ZNF496: variants seen among roughly 807,000 people sequenced by gnomAD.
ZNF496 encodes zinc finger protein 496, also known as NSD1 (nuclear receptor binding SET-domain containing 1)-interacting zinc finger protein 1.
Under a neutral mutation model 58.9 loss-of-function variants are expected in ZNF496, and 11 were observed. The ratio of observed to expected loss-of-function variants is 0.19; its 90% CI spans 0.12 to 0.31. ZNF496 has a LOEUF of 0.31. ZNF496 is among the 10% of genes least tolerant of loss of function. The pLI is 1.00. For synonymous variants in ZNF496, 338 were observed against 318.2 expected (o/e 1.06, Z -0.66); for missense variants, 660 against 783.0 (o/e 0.84, Z 1.88).
intron 2 of ZNF496, among the ~76,000 whole-genome samples, 178 bp downstream of exon 2, chr1:247,331,254 A>G (rs966104168): frequency 6.6e-6 from 1 of 152,212 alleles, no homozygotes; most frequent in Non-Finnish European, 1.5e-5. Flanking sequence ...AGTGAGGCGG[A>G]GGAGGGCCCC....
intron 5 of ZNF496, among the ~76,000 whole-genome samples, chr1:247,325,410 T>A (rs1008948931): frequency 1.3e-5 from 2 of 152,250 alleles, no homozygotes; most frequent in African/African-American, 4.8e-5. Context: ...ACAAAAATTG[T>A]ATGTATTTTG....
chr1:247,330,105 G>A (rs1453578598), intron 2 of ZNF496, 24 bp from the exon 3 acceptor site: 1 of 152,426 alleles, frequency 6.6e-6, no homozygotes, highest in Admixed American at 6.5e-5. Context: ...GACATGCATC[G>A]GATGAGCCTT....
chr1:247,328,654 C>T (rs373459070), intron 5 of ZNF496, 29 bp downstream of exon 5: 3 of 1,529,982 alleles, frequency 2.0e-6, no homozygotes, highest in Non-Finnish European at 2.6e-6. Flanking sequence ...CCCCAGATCA[C>T]CCCTGCTACA....
intron 9 of ZNF496, among the ~76,000 whole-genome samples, chr1:247,305,252 G>A (rs1324386321): frequency 3.3e-5 from 5 of 152,078 alleles, no homozygotes; most frequent in Admixed American, 2.0e-4. Flanking sequence ...TCTAACCTGG[G>A]TGACAGAGCT....
chr1:247,324,121 A>G lies in ZNF496; in HGVS notation c.575-891T>C, dbSNP rs373275122. Among the ~76,000 whole-genome samples, 53 of 152,220 alleles carry G rather than the reference A, an allele frequency of 3.5e-4. No individual in the cohort carries two copies. In the East Asian group the frequency reaches 6.2e-3, roughly 18 times the overall value. On this transcript the variant is annotated intron_variant, in intron 5 of 9. Coordinates refer to ENST00000682384, the MANE Select transcript of ZNF496 (RefSeq NM_032752.3). ...AAAGTAAGGGCTGTTGGCAATCAGAATTACTGTGGAACTCCATAAAAAAAG... is the reference window on the plus strand; with the variant it reads ...AAAGTAAGGGCTGTTGGCAATCAGAGTTACTGTGGAACTCCATAAAAAAAG...
chr1:247,319,543 C>T (rs768965339), intron 6 of ZNF496, among the ~76,000 whole-genome samples: 1 of 152,140 alleles, frequency 6.6e-6, no homozygotes, highest in African/African-American at 2.4e-5. Context: ...CCTAACATGT[C>T]GGTAATGACA....
chr1:247,313,840 G>A (rs1659687365), intron 6 of ZNF496: 1 of 152,206 alleles, frequency 6.6e-6, no homozygotes, highest in African/African-American at 2.4e-5. Flanking sequence ...TCTCTGTACT[G>A]AGAAGGAATT....
In ZNF496 at chr1:247,299,401, C is replaced by T. The variant is rs773772064; in HGVS notation, c.*1118G>A. The T allele has an allele frequency of 6.6e-6, 1 of 152,286 alleles. No individual in the cohort carries two copies. The highest frequency in any genetic ancestry group is 1.5e-5 in the Non-Finnish European group (1 of 68,090). The allele number at this position is 152,286 out of a possible 1,614,324, so 9.4% of individuals were successfully genotyped here. A position where few individuals can be genotyped will look rare whatever the true frequency, so the allele number is the denominator to read the frequency against. On this transcript the variant is annotated 3_prime_UTR_variant, in exon 10 of 10. Coordinates refer to ENST00000682384, the MANE Select transcript of ZNF496 (RefSeq NM_032752.3). ...AACTGCCAGCAAAGGCATGAAGCCGCTTCTCCCTCACAGCTCTCGGAAGGC... is the reference window on the plus strand; with the variant it reads ...AACTGCCAGCAAAGGCATGAAGCCGTTTCTCCCTCACAGCTCTCGGAAGGC...
Position 247,309,937 on chromosome 1 carries a change from G to A in ZNF496, c.785-131C>T. 1.5e-6 allele frequency: 2 copies of A among 1,334,686 alleles called. No individual in the cohort carries two copies. Among genetic ancestry groups the A allele is most frequent in the South Asian group, 2.9e-5 (2 of 68,020 alleles). 82.7% of individuals were successfully genotyped at this position (1,334,686 alleles called of 1,614,324 possible). ...CACCATCAGGGGCGAGAAGTGAAAA[G>A]GCCAGAGCTGGCAGTGCAGGGGCAG... On this transcript the variant is annotated intron_variant, in intron 7 of 9. Transcript: ENST00000682384. The surrounding 1 kb of genome is among the most constrained non-coding windows in gnomAD (Gnocchi z 4.3).
chr1:247,322,801 A>G, intron 6 of ZNF496: 1 of 1,303,666 alleles, frequency 7.7e-7, no homozygotes, highest in Non-Finnish European at 1.0e-6. Flanking sequence ...AAATTGAAAA[A>G]TTCTCTGTAA....
chr1:247,323,307 G>T (rs373456742), intron 5 of ZNF496, 77 bp from the exon 6 acceptor site: 2 of 1,052,998 alleles, frequency 1.9e-6, no homozygotes, highest in African/African-American at 3.2e-5. Flanking sequence ...AGCTTCCTGC[G>T]GCTCTTCATT....
chr1:247,310,380 G>A lies in ZNF496; in HGVS notation c.728C>T (p.Thr243Ile). 6.2e-7 allele frequency: 1 copy of A among 1,614,190 alleles called. No individual in the cohort carries two copies. Among genetic ancestry groups the A allele is most frequent in the Non-Finnish European group, 8.5e-7 (1 of 1,180,038 alleles). Residue 243 changes from threonine (T) to isoleucine (I), a missense_variant, in exon 7 of 10, where the codon ACT becomes ATT. Physicochemically the swap from Thr to Ile is moderately conservative, Grantham distance 89. Coordinates refer to ENST00000682384, the MANE Select transcript of ZNF496 (RefSeq NM_032752.3). ...AATGATGAACTCTCCATAGAAGCCA[G>A]TCTGGGCAGGATCTAGAAGGGACCA... ...EDWSLLDPAQ[T>I]GFYGEFIIGE...
intron 4 of ZNF496, 67 bp from the exon 5 acceptor site, chr1:247,328,933 C>G: frequency 6.6e-7 from 1 of 1,518,822 alleles, no homozygotes; most frequent in African/African-American, 1.4e-5. Flanking sequence ...GGCCTGGTGA[C>G]CATCCACTCC....
intron 6 of ZNF496, among the ~76,000 whole-genome samples, chr1:247,317,145 T>C (rs889206026): frequency 3.9e-5 from 6 of 152,116 alleles, no homozygotes; most frequent in African/African-American, 1.2e-4. Flanking sequence ...ACCCTGGACA[T>C]TGCATATAAA....
chr1:247,314,438 AT>A (rs1316670961), intron 6 of ZNF496, among the ~76,000 whole-genome samples: 1 of 151,938 alleles, frequency 6.6e-6, no homozygotes, highest in Non-Finnish European at 1.5e-5. Context: ...TCATTTTAAA[AT>A]TTTCATTTTA....
chr1:247,316,548 G>T lies in ZNF496; in HGVS notation c.652-6092C>A, dbSNP rs562621884. ...CCATGTGACGCCCTGCACCCACCTC[G>T]GGACACCACAGAGCCCCCACCAGCA... On this transcript the variant is annotated intron_variant, in intron 6 of 9. Transcript: ENST00000682384. Among the ~76,000 whole-genome samples, 10 of 152,054 alleles carry T rather than the reference G, an allele frequency of 6.6e-5. 1 individual carries two copies. The highest frequency in any genetic ancestry group is 6.6e-4 in the Admixed American group (10 of 15,248).
chr1:247,317,791 T>C (rs1264744373), intron 6 of ZNF496, among the ~76,000 whole-genome samples: 1 of 152,148 alleles, frequency 6.6e-6, no homozygotes, highest in Admixed American at 6.6e-5. Flanking sequence ...ACACCGAAGT[T>C]AAGGTCCAGA....
Position 247,308,911 on chromosome 1 carries a change from G to A in ZNF496, c.893-323C>T. On this transcript the variant is annotated intron_variant, in intron 8 of 9. Transcript: ENST00000682384. The surrounding 1 kb of genome is among the most constrained non-coding windows in gnomAD (Gnocchi z 4.5). ...CACTTTCTGTGGTGGGTTTTCTATAGTCATCACCACAGGCTCCTGCACACT... is the reference window on the plus strand; with the variant it reads ...CACTTTCTGTGGTGGGTTTTCTATAATCATCACCACAGGCTCCTGCACACT... 4.3e-5 allele frequency: 15 copies of A among 351,026 alleles called. No homozygotes were observed. The highest frequency in any genetic ancestry group is 9.4e-5 in the South Asian group (4 of 42,756). 21.7% of individuals were successfully genotyped at this position (351,026 alleles called of 1,614,324 possible). A position where few individuals can be genotyped will look rare whatever the true frequency, so the allele number is the denominator to read the frequency against.
Position 247,309,520 on chromosome 1 carries a change from C to A in ZNF496, c.892+179G>T. The A allele has an allele frequency of 1.4e-6, 2 of 1,417,810 alleles. No homozygotes were observed. The highest frequency in any genetic ancestry group is 1.4e-5 in the African/African-American group (1 of 69,442). 87.8% of individuals were successfully genotyped at this position (1,417,810 alleles called of 1,614,324 possible). A position where few individuals can be genotyped will look rare whatever the true frequency, so the allele number is the denominator to read the frequency against. ...TTCCAATGCCTGGCAAAATTAAGAT[C>A]CTCCATTCTTTCTATGAAAAGTCAG... On this transcript the variant is annotated intron_variant, in intron 8 of 9. Coordinates refer to ENST00000682384, the MANE Select transcript of ZNF496 (RefSeq NM_032752.3). This position sits in a 1 kb window ranked among gnomAD's most constrained non-coding sequence, Gnocchi z 4.3.
Sources: gnomAD v4.1 joint callset for allele counts (sites outside exome capture counted in the v4.1 genomes callset) on GRCh38, gnomAD v4.1.1 for gene constraint, Gnocchi (gnomAD v3.1) non-coding constraint, MANE v1.5 for transcripts, NCBI Gene and HGNC (gene_info 2026-07-23, HGNC 2026-07-21) for gene names.